Variants in ST8SIA6 observed in about 807,000 individuals in gnomAD.
ST8SIA6 encodes the protein ST8 alpha-N-acetyl-neuraminide alpha-2,8-sialyltransferase 6.
Under a neutral mutation model 33.6 loss-of-function variants are expected in ST8SIA6, and 39 were observed. The ratio of observed to expected loss-of-function variants is 1.16; its 90% CI spans 0.90 to 1.52. The LOEUF is 1.52. Ranked by LOEUF, ST8SIA6 falls within the 40% of genes most tolerant of loss-of-function variation. ST8SIA6 has a pLI of 0.00. For missense variants in ST8SIA6, 441 were observed against 443.8 expected (o/e 0.99, Z 0.06); for synonymous variants, 172 against 167.2 (o/e 1.03, Z -0.22).
At chr10:17,339,016 G>A (rs1022219041) in intron 4 of ST8SIA6, among the ~76,000 whole-genome samples, 12 of 152,154 alleles carry the variant, frequency 7.9e-5, no homozygotes, top group Non-Finnish European at 1.5e-4. Flanking sequence ...GGATGAAATC[G>A]AAGATCTGCA....
intron 3 of ST8SIA6, 112 bp downstream of exon 3, chr10:17,390,419 A>T (rs1296937398): frequency 3.4e-6 from 3 of 878,658 alleles, no homozygotes; most frequent in Non-Finnish European, 5.3e-6. Context: ...CCCAATGGTA[A>T]GCCTGAGAGT....
intron 3 of ST8SIA6, among the ~76,000 whole-genome samples, chr10:17,361,517 A>ACAC (rs1849388478): frequency 6.8e-6 from 1 of 146,098 alleles, no homozygotes; most frequent in Non-Finnish European, 1.5e-5. Context: ...CTTCCTACAA[A>ACAC]ACACACACAC....
chr10:17,333,719 T>TATATATATACATATA (rs1848408990), intron 4 of ST8SIA6, among the ~76,000 whole-genome samples: 1 of 38,684 alleles, frequency 2.6e-5, no homozygotes, highest in African/African-American at 1.1e-4. Context: ...ATATATATAT[T>TATATATATACATATA]TTTTTTTTTT....
intron 2 of ST8SIA6, among the ~76,000 whole-genome samples, chr10:17,404,333 T>C (rs2095383051): frequency 6.6e-6 from 1 of 152,078 alleles, no homozygotes. Flanking sequence ...CCATTCTACC[T>C]CCCTCATAGG....
In ST8SIA6 at chr10:17,331,304, T is replaced by C. The variant is rs76006296; in HGVS notation, c.522+104A>G. Reference sequence around the variant, plus strand: ...CCAAATTTTATACAACATAACAATATGGTATTTTAATTGAGTCCATCATAA... The same window carrying C: ...CCAAATTTTATACAACATAACAATACGGTATTTTAATTGAGTCCATCATAA... On this transcript the variant is annotated intron_variant, in intron 5 of 7. Transcript: ENST00000377602. 318 of 1,375,632 alleles carry C rather than the reference T, an allele frequency of 2.3e-4. 1 individual carries two copies. In the East Asian group the frequency reaches 6.5e-3, roughly 28 times the overall value. 85.2% of individuals were successfully genotyped at this position (1,375,632 alleles called of 1,614,324 possible).
intron 7 of ST8SIA6, 103 bp from the exon 8 acceptor site, chr10:17,321,449 A>G: frequency 2.2e-6 from 2 of 892,056 alleles, no homozygotes; most frequent in Non-Finnish European, 3.3e-6. Flanking sequence ...ACACTGAACG[A>G]TTTGTATACT....
intron 2 of ST8SIA6, among the ~76,000 whole-genome samples, chr10:17,420,209 C>G (rs890500889): frequency 6.6e-6 from 1 of 152,078 alleles, no homozygotes; most frequent in African/African-American, 2.4e-5. Context: ...GTCAGGAGAT[C>G]GAGACCATCC....
chr10:17,447,636 A>G (rs1336729235), intron 2 of ST8SIA6, among the ~76,000 whole-genome samples: 4 of 152,184 alleles, frequency 2.6e-5, no homozygotes, highest in African/African-American at 9.6e-5. Flanking sequence ...GATAAATTCC[A>G]AGCAATGAAA....
At chr10:17,346,949 G>A (rs1196010326) in intron 4 of ST8SIA6, among the ~76,000 whole-genome samples, 1 of 152,190 alleles carries the variant, frequency 6.6e-6, no homozygotes, top group Non-Finnish European at 1.5e-5. Flanking sequence ...AAAATCTGTA[G>A]GGTAAGCCTG....
At chr10:17,326,072 T>G (rs1848120917) in intron 6 of ST8SIA6, among the ~76,000 whole-genome samples, 1 of 152,210 alleles carries the variant, frequency 6.6e-6, no homozygotes, top group Non-Finnish European at 1.5e-5. Context: ...ACAGTAATCA[T>G]GAAGAACACA....
chr10:17,345,320 AG>A (rs1224123404), intron 4 of ST8SIA6, among the ~76,000 whole-genome samples: 2 of 152,204 alleles, frequency 1.3e-5, no homozygotes, highest in African/African-American at 4.8e-5. Flanking sequence ...CTGTAATTAA[AG>A]CAAAGTACAA....
chr10:17,370,842 T>C (rs1425062900), intron 3 of ST8SIA6, among the ~76,000 whole-genome samples: 1 of 152,180 alleles, frequency 6.6e-6, no homozygotes, highest in African/African-American at 2.4e-5. Flanking sequence ...GTCCTTTATT[T>C]TGAGTGAAAT....
intron 3 of ST8SIA6, among the ~76,000 whole-genome samples, chr10:17,386,624 G>T (rs78868171): frequency 1.3e-5 from 2 of 152,284 alleles, no homozygotes; most frequent in African/African-American, 4.8e-5. Flanking sequence ...CTCTTGTATT[G>T]GTTCGAACCC....
At chr10:17,393,763 TAAAC>T (rs1389336715) in intron 2 of ST8SIA6, among the ~76,000 whole-genome samples, 2 of 152,086 alleles carry the variant, frequency 1.3e-5, no homozygotes, top group African/African-American at 2.4e-5. Context: ...GGTAAAGAAA[TAAAC>T]AAGACAGATT....
chr10:17,391,549 A>G (rs1285545239), intron 2 of ST8SIA6, among the ~76,000 whole-genome samples: 1 of 152,238 alleles, frequency 6.6e-6, no homozygotes, highest in Non-Finnish European at 1.5e-5. Context: ...GGCGTGAGCC[A>G]CCGCTCCCAG....
Position 17,315,635 on chromosome 10 carries a change from G to A in ST8SIA6, c.*5243C>T, listed in dbSNP as rs1218770378. ...GCAAGACAAGAAATGAGTACAGACA[G>A]TAAGATTCCATTTATATAAAATTCT... On this transcript the variant is annotated 3_prime_UTR_variant, in exon 8 of 8. Transcript: ENST00000377602. 6.6e-6 allele frequency among the ~76,000 whole-genome samples: 1 copy of A among 151,888 alleles called. No individual in the cohort carries two copies. The highest frequency in any genetic ancestry group is 1.5e-5 in the Non-Finnish European group (1 of 67,876).
chr10:17,365,283 T>C (rs770188168), intron 3 of ST8SIA6, among the ~76,000 whole-genome samples: 1 of 152,232 alleles, frequency 6.6e-6, no homozygotes, highest in Non-Finnish European at 1.5e-5. Flanking sequence ...AAGACCCACA[T>C]GCTGTGACTA....
At chr10:17,341,908 A>AAAC (rs1370751493) in intron 4 of ST8SIA6, among the ~76,000 whole-genome samples, 1 of 150,614 alleles carries the variant, frequency 6.6e-6, no homozygotes, top group African/African-American at 2.4e-5. Context: ...CTCAAAAAAA[A>AAAC]AAAAAAAAAA....
rs2131757361 is a variant in ST8SIA6 at position 17,454,518 on chromosome 10, A to G, written c.-263T>C. Reference sequence around the variant, plus strand: ...CGCCGCGATCGGCTGGCAGATGACGATTCGCCGAGCTCGCCGCCTGTCCTC... The same window carrying G: ...CGCCGCGATCGGCTGGCAGATGACGGTTCGCCGAGCTCGCCGCCTGTCCTC... On this transcript the variant is annotated 5_prime_UTR_variant, in exon 1 of 8. Transcript: ENST00000377602. The surrounding 1 kb of genome is among the most constrained non-coding windows in gnomAD (Gnocchi z 4.1). Among the ~76,000 whole-genome samples, 1 of 151,884 alleles carries G rather than the reference A, an allele frequency of 6.6e-6. No homozygotes were observed. The highest frequency in any genetic ancestry group is 2.4e-5 in the African/African-American group (1 of 41,492).
Sources: gnomAD v4.1 joint callset for allele counts (sites outside exome capture counted in the v4.1 genomes callset) on GRCh38, gnomAD v4.1.1 for gene constraint, Gnocchi (gnomAD v3.1) non-coding constraint, MANE v1.5 for transcripts, NCBI Gene and HGNC (gene_info 2026-07-23, HGNC 2026-07-21) for gene names.